GRM8: variants seen among roughly 807,000 people sequenced by gnomAD.
GRM8 encodes the protein metabotropic glutamate receptor 8.
In GRM8, 47 loss-of-function variants were observed where a neutral mutation model predicts 87.2. That is an observed-to-expected ratio of 0.54 (90% CI 0.43 to 0.69). GRM8 has a LOEUF of 0.69. Ranked by LOEUF, GRM8 falls within the 30% of genes least tolerant of loss-of-function variation. GRM8 has a pLI of 0.00. For missense variants in GRM8, 1,019 were observed against 1,139.2 expected (o/e 0.89, Z 1.52); for synonymous variants, 396 against 404.5 (o/e 0.98, Z 0.25).
chr7:126,453,832 T>C (rs1563022843), intron 9 of GRM8, among the ~76,000 whole-genome samples: 4 of 151,764 alleles, frequency 2.6e-5, no homozygotes, highest in Non-Finnish European at 5.9e-5. Flanking sequence ...ATATAGTAAA[T>C]AAGTAAACTG....
chr7:126,580,565 T>C (rs900074719), intron 8 of GRM8, among the ~76,000 whole-genome samples: 5 of 152,146 alleles, frequency 3.3e-5, no homozygotes, highest in Non-Finnish European at 4.4e-5. Flanking sequence ...CTGCCTGATT[T>C]CCATTTATCG....
At chr7:127,031,738 A>T (rs1450187479) in intron 3 of GRM8, among the ~76,000 whole-genome samples, 1 of 152,158 alleles carries the variant, frequency 6.6e-6, no homozygotes, top group African/African-American at 2.4e-5. Context: ...CTATCCTAAC[A>T]TCAATACTGT....
At chr7:127,003,435 C>T (rs1813933767) in intron 3 of GRM8, among the ~76,000 whole-genome samples, 2 of 151,664 alleles carry the variant, frequency 1.3e-5, no homozygotes, top group African/African-American at 4.8e-5. Context: ...TTACAGGTGG[C>T]ATCCAGATGG....
intron 7 of GRM8, among the ~76,000 whole-genome samples, chr7:126,616,918 C>A: frequency 6.6e-6 from 1 of 152,204 alleles, no homozygotes; most frequent in Admixed American, 6.5e-5. Flanking sequence ...CAGGACCAGA[C>A]GGATTCAGAG....
At chr7:126,622,092 A>G (rs1800238412) in intron 7 of GRM8, among the ~76,000 whole-genome samples, 2 of 152,158 alleles carry the variant, frequency 1.3e-5, no homozygotes, top group Non-Finnish European at 2.9e-5. Flanking sequence ...GCACCCAAGA[A>G]GCTGAACATT....
intron 2 of GRM8, among the ~76,000 whole-genome samples, chr7:127,199,339 C>G (rs1380586671): frequency 2.0e-5 from 3 of 152,244 alleles, no homozygotes; most frequent in African/African-American, 7.2e-5. Flanking sequence ...AGAAATTAAA[C>G]TTGCTTTCAA....
chr7:127,028,171 C>A (rs1026358515), intron 3 of GRM8, among the ~76,000 whole-genome samples: 1 of 152,182 alleles, frequency 6.6e-6, no homozygotes, highest in Non-Finnish European at 1.5e-5. Flanking sequence ...GCTTGCATCC[C>A]AGGGATGAAG....
At chr7:127,047,056 T>C (rs17863191) in intron 3 of GRM8, among the ~76,000 whole-genome samples, 1,722 of 152,342 alleles carry the variant, frequency 0.011, 17 homozygotes, top group Non-Finnish European at 0.019. Flanking sequence ...TAGTCTACAC[T>C]GAACATTTAG....
intron 6 of GRM8, among the ~76,000 whole-genome samples, chr7:126,827,359 T>C (rs893183045): frequency 3.3e-5 from 5 of 152,228 alleles, no homozygotes; most frequent in African/African-American, 1.2e-4. Context: ...TGGAATGTTC[T>C]TCCATTTGTC....
At chr7:126,447,336 T>C (rs923822002) in intron 9 of GRM8, 1 of 151,838 alleles carries the variant, frequency 6.6e-6, no homozygotes, top group South Asian at 2.1e-4. Context: ...GAGCTCAAAA[T>C]AGAATTTTCC....
In GRM8 at chr7:126,656,635, T is replaced by G. The variant is rs117657435; in HGVS notation, c.1358-47137A>C. 8.9e-3 allele frequency among the ~76,000 whole-genome samples: 1,348 copies of G among 152,122 alleles called. 6 individuals are homozygous for G. The highest frequency in any genetic ancestry group is 0.014 in the Non-Finnish European group (945 of 68,010). On this transcript the variant is annotated intron_variant, in intron 7 of 10. Coordinates refer to ENST00000339582, the MANE Select transcript of GRM8 (RefSeq NM_000845.3). ...GTGAGCCGAGATTGTGCCACTGCAC[T>G]CTAGCCTAGATGACAAAGCAAGACT...
At chr7:126,976,970 A>C (rs572942310) in intron 3 of GRM8, among the ~76,000 whole-genome samples, 1 of 152,204 alleles carries the variant, frequency 6.6e-6, no homozygotes, top group South Asian at 2.1e-4. Flanking sequence ...TTTCCACATA[A>C]GAAGATAAAG....
At chr7:126,712,422 A>G (rs916442509) in intron 7 of GRM8, among the ~76,000 whole-genome samples, 7 of 152,222 alleles carry the variant, frequency 4.6e-5, no homozygotes, top group African/African-American at 1.4e-4. Context: ...TATTGTGAGA[A>G]TTACCAAAAT....
rs542919493 is a variant in GRM8, at chr7:127,209,765, T to C, written c.510+32930A>G. On this transcript the variant is annotated intron_variant, in intron 2 of 10. Transcript: ENST00000339582. ...TGATAACACATCATGTTGAAGAGGA[T>C]ATTTAGGGCTTCCTGAGACAAAGCT... Among the ~76,000 whole-genome samples, 5 of 152,316 alleles carry C rather than the reference T, an allele frequency of 3.3e-5. No individual in the cohort carries two copies. The East Asian group carries it at 9.6e-4, about 29-fold the overall frequency.
chr7:126,626,502 C>T (rs978226968), intron 7 of GRM8, among the ~76,000 whole-genome samples: 19 of 152,010 alleles, frequency 1.2e-4, no homozygotes, highest in Admixed American at 1.2e-3. Flanking sequence ...ACCCTATTTC[C>T]TACTGGCTGG....
At chr7:127,025,725 A>C (rs745714742) in intron 3 of GRM8, among the ~76,000 whole-genome samples, 1 of 152,062 alleles carries the variant, frequency 6.6e-6, no homozygotes, top group Non-Finnish European at 1.5e-5. Flanking sequence ...GGAGCTGGCG[A>C]AAAGCAGACT....
At chr7:126,690,770 G>C (rs1808718499) in intron 7 of GRM8, among the ~76,000 whole-genome samples, 1 of 152,196 alleles carries the variant, frequency 6.6e-6, no homozygotes, top group South Asian at 2.1e-4. Flanking sequence ...GAGACCTGCA[G>C]TGGGTAGCTT....
intron 7 of GRM8, among the ~76,000 whole-genome samples, chr7:126,663,947 C>T (rs1012417969): frequency 6.6e-6 from 1 of 152,136 alleles, no homozygotes; most frequent in Non-Finnish European, 1.5e-5. Flanking sequence ...AGTAAAGTGT[C>T]CGGATACAAA....
chr7:127,164,804 G>A (rs1793337384), intron 2 of GRM8, among the ~76,000 whole-genome samples: 4 of 151,850 alleles, frequency 2.6e-5, no homozygotes. Context: ...GGCCCAAAAG[G>A]AACTCTTCTT....
Sources: gnomAD v4.1 joint callset for allele counts (sites outside exome capture counted in the v4.1 genomes callset) on GRCh38, gnomAD v4.1.1 for gene constraint, MANE v1.5 for transcripts, NCBI Gene and HGNC (gene_info 2026-07-23, HGNC 2026-07-21) for gene names.